The following LNX2 variants were observed in gnomAD, a reference collection of about 807,000 sequenced individuals.
The protein encoded by LNX2 is ligand of Numb protein X 2.
A neutral mutation model predicts 66.2 loss-of-function variants in LNX2; 35 were observed. The observed-to-expected ratio is 0.53, with a 90% confidence interval of 0.40 to 0.70. The LOEUF (loss-of-function observed/expected upper bound fraction) is 0.70. LNX2 is among the 30% of genes least tolerant of loss of function. The pLI is 0.00. For missense variants in LNX2, 791 were observed against 850.8 expected (o/e 0.93, Z 0.87); for synonymous variants, 337 against 315.6 (o/e 1.07, Z -0.72).
rs1391679636 is a variant in LNX2, at chr13:27,568,978, G to A, written c.655+51C>T. On this transcript the variant is annotated intron_variant, in intron 3 of 9. Coordinates refer to ENST00000316334, the MANE Select transcript of LNX2 (RefSeq NM_153371.4). ...AAAAAGTACATGTTGGGCAAGTAGTGGGAAGAAAGGAAATAGAGATGAAAT... is the reference window on the plus strand; with the variant it reads ...AAAAAGTACATGTTGGGCAAGTAGTAGGAAGAAAGGAAATAGAGATGAAAT... The A allele has an allele frequency of 2.6e-6, 4 of 1,513,138 alleles. No individual in the cohort carries two copies. The East Asian group carries it at 9.7e-5, about 37-fold the overall frequency. The allele number at this position is 1,513,138 out of a possible 1,614,324, so 93.7% of individuals were successfully genotyped here.
chr13:27,617,481 T>C (rs77505975), intron 1 of LNX2, among the ~76,000 whole-genome samples: 6,437 of 152,196 alleles, frequency 0.042, 190 homozygotes, highest in Non-Finnish European at 0.064. Flanking sequence ...GTGGCAATTG[T>C]AAAGGAAAGA....
intron 8 of LNX2, among the ~76,000 whole-genome samples, chr13:27,551,427 G>A (rs1260870363): frequency 6.6e-6 from 1 of 151,726 alleles, no homozygotes; most frequent in Non-Finnish European, 1.5e-5. Flanking sequence ...TGTTTCCATA[G>A]CTCTATGGAT....
intron 1 of LNX2, among the ~76,000 whole-genome samples, chr13:27,584,458 G>A (rs1216808746): frequency 6.6e-6 from 1 of 151,188 alleles, no homozygotes; most frequent in Non-Finnish European, 1.5e-5. Flanking sequence ...GGAGGCTGAG[G>A]TGGGACGATC....
intron 8 of LNX2, among the ~76,000 whole-genome samples, chr13:27,550,864 A>C (rs1015134615): frequency 3.3e-5 from 5 of 152,192 alleles, no homozygotes; most frequent in Non-Finnish European, 7.3e-5. Context: ...TACAAGAGGA[A>C]TTACAATGTG....
chr13:27,567,552 A>G (rs2138355920), intron 4 of LNX2, 88 bp downstream of exon 4: 2 of 1,001,322 alleles, frequency 2.0e-6, no homozygotes, highest in East Asian at 4.9e-5. Flanking sequence ...TATATAATTT[A>G]GGTTCCAAAA....
At chr13:27,585,574 G>T (rs753481482) in intron 1 of LNX2, among the ~76,000 whole-genome samples, 1 of 152,046 alleles carries the variant, frequency 6.6e-6, no homozygotes, top group African/African-American at 2.4e-5. Flanking sequence ...TTTGAGCATC[G>T]TAACTTTTAA....
At chr13:27,614,099 G>A (rs1225856636) in intron 1 of LNX2, among the ~76,000 whole-genome samples, 1 of 152,168 alleles carries the variant, frequency 6.6e-6, no homozygotes, top group Non-Finnish European at 1.5e-5. Context: ...CTTAAACCAA[G>A]CTAATTTTGG....
chr13:27,610,665 C>CTT (rs756989049), intron 1 of LNX2, among the ~76,000 whole-genome samples: 2 of 152,094 alleles, frequency 1.3e-5, no homozygotes, highest in Non-Finnish European at 2.9e-5. Context: ...AAATTAAAAA[C>CTT]TTTTGCACAT....
In LNX2 at chr13:27,581,338, ATCTTTGCACACTGAAG is replaced by A; in HGVS notation, c.350_365del (p.Ser117LeufsTer2). ...CCTCCAGATCACAACGTTGCATTAC[ATCTTTGCACACTGAAG>A]AAAATGGACATAAAACTAATAATTT... On this transcript the variant is annotated frameshift_variant, in exon 2 of 10. Coordinates refer to ENST00000316334, the MANE Select transcript of LNX2 (RefSeq NM_153371.4). LOFTEE classifies it high-confidence loss of function. The A allele has an allele frequency of 1.3e-6, 2 of 1,531,522 alleles. No individual in the cohort carries two copies. Among genetic ancestry groups the A allele is most frequent in the Non-Finnish European group, 1.8e-6 (2 of 1,136,966 alleles). 94.9% of individuals were successfully genotyped at this position (1,531,522 alleles called of 1,614,324 possible).
At chr13:27,594,749 C>T (rs1387302309) in intron 1 of LNX2, among the ~76,000 whole-genome samples, 1 of 152,068 alleles carries the variant, frequency 6.6e-6, no homozygotes, top group Non-Finnish European at 1.5e-5. Context: ...CCAGAGGATC[C>T]TCCCGTTTCT....
intron 5 of LNX2, 92 bp from the exon 6 acceptor site, chr13:27,560,077 A>C: frequency 8.4e-7 from 1 of 1,186,502 alleles, no homozygotes; most frequent in Non-Finnish European, 1.2e-6. Flanking sequence ...GAACTTCTTA[A>C]TCACTGTACC....
In LNX2 at chr13:27,581,400, G is replaced by C; in HGVS notation, c.304C>G (p.Leu102Val). The C allele has an allele frequency of 6.2e-7, 1 of 1,603,274 alleles. No homozygotes were observed. Among genetic ancestry groups the C allele is most frequent in the Non-Finnish European group, 8.5e-7 (1 of 1,172,216 alleles). Reference sequence around the variant, plus strand: ...AATTTGTCTAGGAGTTTATGAACTAGAATACTAGACTTCTTGCACAACTTA... The same window carrying C: ...AATTTGTCTAGGAGTTTATGAACTACAATACTAGACTTCTTGCACAACTTA... The part of the protein sequence containing the change: ...HFKLCKKSSI[L>V]VHKLLDKLLV... The change falls in exon 2 of 10, where the codon CTA becomes GTA. Residue 102 changes from leucine (L) to valine (V), a missense_variant. By Grantham distance (32) the Leu-to-Val change is conservative. Coordinates refer to ENST00000316334, the MANE Select transcript of LNX2 (RefSeq NM_153371.4).
At chr13:27,606,669 T>C (rs895822803) in intron 1 of LNX2, among the ~76,000 whole-genome samples, 1 of 152,108 alleles carries the variant, frequency 6.6e-6, no homozygotes. Flanking sequence ...TGGAAGGATA[T>C]ACAAAAAAAC....
In LNX2 at chr13:27,562,367, T is replaced by C. The variant is rs377633793; in HGVS notation, c.1224+46A>G. The C allele has an allele frequency of 1.9e-6, 3 of 1,561,260 alleles. No individual in the cohort carries two copies. In the African/African-American group the frequency reaches 4.1e-5, roughly 21 times the overall value. On this transcript the variant is annotated intron_variant, in intron 5 of 9. Coordinates refer to ENST00000316334, the MANE Select transcript of LNX2 (RefSeq NM_153371.4). Reference sequence around the variant, plus strand: ...GCCAGTGAAAACAAATACTACTATATGATCATTTCGGCCAAGCCTTTGGAA... The same window carrying C: ...GCCAGTGAAAACAAATACTACTATACGATCATTTCGGCCAAGCCTTTGGAA...
intron 1 of LNX2, among the ~76,000 whole-genome samples, chr13:27,585,543 T>G (rs1955475282): frequency 1.3e-5 from 2 of 152,290 alleles, no homozygotes; most frequent in South Asian, 4.1e-4. Context: ...TCTCGCATTT[T>G]ATAATTCATG....
chr13:27,611,458 G>A (rs1189532312), intron 1 of LNX2, among the ~76,000 whole-genome samples: 4 of 152,200 alleles, frequency 2.6e-5, no homozygotes, highest in African/African-American at 9.7e-5. Flanking sequence ...GAGGAAATGG[G>A]AAGTTGTTTA....
At chr13:27,596,745 G>C (rs982102586) in intron 1 of LNX2, among the ~76,000 whole-genome samples, 3 of 152,034 alleles carry the variant, frequency 2.0e-5, no homozygotes, top group Admixed American at 1.3e-4. Flanking sequence ...ATATACCTTT[G>C]TCTAAGGACA....
chr13:27,571,485 G>T (rs1955279413), intron 2 of LNX2, among the ~76,000 whole-genome samples: 1 of 152,172 alleles, frequency 6.6e-6, no homozygotes, highest in African/African-American at 2.4e-5. Flanking sequence ...TCAAAACCGT[G>T]TATCGGGGAA....
chr13:27,574,206 A>T (rs777587711), intron 2 of LNX2, among the ~76,000 whole-genome samples: 1 of 152,352 alleles, frequency 6.6e-6, no homozygotes, highest in South Asian at 2.1e-4. Context: ...GCACTTTGGG[A>T]CGCCAAGGCG....
Sources: gnomAD v4.1 joint callset for allele counts (sites outside exome capture counted in the v4.1 genomes callset) on GRCh38, gnomAD v4.1.1 for gene constraint, MANE v1.5 for transcripts, NCBI Gene and HGNC (gene_info 2026-07-23, HGNC 2026-07-21) for gene names.